The following CACNA2D3 variants were observed in gnomAD, a reference collection of about 807,000 sequenced individuals.
CACNA2D3 encodes calcium voltage-gated channel auxiliary subunit alpha2delta 3.
A neutral mutation model predicts 160.6 loss-of-function variants in CACNA2D3; 60 were observed. That is an observed-to-expected ratio of 0.37 (90% CI 0.30 to 0.46). The LOEUF (loss-of-function observed/expected upper bound fraction) is 0.46, where lower values mean the gene tolerates loss of function less well. Among genes scored for constraint, CACNA2D3 ranks in the 20% least tolerant of loss-of-function variants. The pLI, the probability that CACNA2D3 is intolerant of heterozygous loss-of-function variation, is 1.00. For synonymous variants in CACNA2D3, 558 were observed against 492.9 expected, an observed-to-expected ratio of 1.13 and a Z score of -1.75; for missense variants, 1,205 against 1,365.0, an observed-to-expected ratio of 0.88 and a Z score of 1.85.
At chr3:54,729,496 G>A (rs1267905329) in intron 11 of CACNA2D3, among the ~76,000 whole-genome samples, 1 of 152,134 alleles carries the variant, frequency 6.6e-6, no homozygotes, top group Non-Finnish European at 1.5e-5. Context: ...CCAGGAGCTG[G>A]GCTCGTTGGT....
intron 13 of CACNA2D3, among the ~76,000 whole-genome samples, chr3:54,816,012 C>A (rs2106711601): frequency 6.6e-6 from 1 of 152,324 alleles, no homozygotes; most frequent in Admixed American, 6.5e-5. Flanking sequence ...ATACTCTCAA[C>A]ACAGAAATAT....
chr3:54,579,820 A>T (rs187422621), intron 8 of CACNA2D3, among the ~76,000 whole-genome samples: 1 of 152,336 alleles, frequency 6.6e-6, no homozygotes, highest in Admixed American at 6.5e-5. Context: ...GTTGACTAAA[A>T]GTCATACTCC....
chr3:54,277,120 G>A (rs960677404), intron 2 of CACNA2D3, among the ~76,000 whole-genome samples: 7 of 152,344 alleles, frequency 4.6e-5, no homozygotes, highest in Non-Finnish European at 8.8e-5. Context: ...GGCCAGGGAG[G>A]CCCCCACACG....
intron 4 of CACNA2D3, among the ~76,000 whole-genome samples, chr3:54,446,722 A>G (rs1009975457): frequency 2.6e-5 from 4 of 152,106 alleles, no homozygotes; most frequent in African/African-American, 9.7e-5. Context: ...CCCTCTCAGA[A>G]TCTAGCCTGA....
chr3:55,072,205 C>T (rs1197131812), intron 35 of CACNA2D3, among the ~76,000 whole-genome samples: 1 of 152,142 alleles, frequency 6.6e-6, no homozygotes, highest in Non-Finnish European at 1.5e-5. Context: ...GTGGTTAAGG[C>T]ATTGAGGAAA....
At chr3:54,545,083 C>T (rs144777240) in intron 5 of CACNA2D3, among the ~76,000 whole-genome samples, 74 of 152,272 alleles carry the variant, frequency 4.9e-4, no homozygotes, top group African/African-American at 1.7e-3. Context: ...TACTTCTGGC[C>T]ATTTAAAATA....
At chr3:54,880,006 T>C (rs1381221621) in intron 20 of CACNA2D3, among the ~76,000 whole-genome samples, 2 of 152,226 alleles carry the variant, frequency 1.3e-5, no homozygotes, top group Non-Finnish European at 2.9e-5. Context: ...AAAAAATTAT[T>C]TCAGTAAGCC....
intron 2 of CACNA2D3, among the ~76,000 whole-genome samples, chr3:54,162,720 A>G (rs1439547794): frequency 6.6e-6 from 1 of 152,220 alleles, no homozygotes; most frequent in Admixed American, 6.5e-5. Context: ...ATAACCTAGT[A>G]GGGAAGACAG....
chr3:54,323,025 G>A (rs374548190), intron 3 of CACNA2D3, among the ~76,000 whole-genome samples: 183 of 152,298 alleles, frequency 1.2e-3, no homozygotes, highest in African/African-American at 3.9e-3. Context: ...TTGGTCCAGT[G>A]TTATATGGAT....
chr3:54,911,351 CTTT>C (rs58289082), intron 27 of CACNA2D3, among the ~76,000 whole-genome samples: 782 of 58,554 alleles, frequency 0.013, 17 homozygotes, highest in African/African-American at 0.066. Context: ...TCTTTGTCGT[CTTT>C]TTTTTTTTTT....
intron 11 of CACNA2D3, among the ~76,000 whole-genome samples, chr3:54,655,295 T>C (rs1348686489): frequency 6.6e-6 from 1 of 152,146 alleles, no homozygotes; most frequent in Non-Finnish European, 1.5e-5. Flanking sequence ...ATCTGTAAAA[T>C]GGGGCTAATT....
Position 54,646,132 on chromosome 3 carries a change from TTCCTTCCTTCCTTCCTTCCC to T in CACNA2D3, c.1167+3895_1167+3914del, listed in dbSNP as rs1390653736. 6.5e-4 allele frequency among the ~76,000 whole-genome samples: 17 copies of T among 25,958 alleles called. 2 individuals carry two copies. Among genetic ancestry groups the T allele is most frequent in the South Asian group, 4.5e-3 (2 of 440 alleles). 17.0% of individuals were successfully genotyped at this position (25,958 alleles called of 152,430 possible). The stretch of plus-strand genomic sequence containing the variant: ...CTTCCTTCCTTCCTTCCTTTCTTCC[TTCCTTCCTTCCTTCCTTCCC>T]TCCCTCCCTCCCTCCCTCCCTCCCT... On this transcript the variant is annotated intron_variant, in intron 11 of 37. Transcript: ENST00000474759.
At chr3:54,388,978 T>A (rs1252586232) in intron 4 of CACNA2D3, among the ~76,000 whole-genome samples, 1 of 151,820 alleles carries the variant, frequency 6.6e-6, no homozygotes, top group South Asian at 2.1e-4. Context: ...ATGAGTCCGC[T>A]TGATAATAAA....
At chr3:54,901,047 C>G (rs1402915720) in intron 27 of CACNA2D3, 3 of 152,164 alleles carry the variant, frequency 2.0e-5, no homozygotes, top group African/African-American at 7.2e-5. Flanking sequence ...TTCACAGTTG[C>G]TGTCTTCAAA....
At chr3:54,590,116 A>G (rs1033558395) in intron 9 of CACNA2D3, among the ~76,000 whole-genome samples, 2 of 152,220 alleles carry the variant, frequency 1.3e-5, no homozygotes, top group African/African-American at 2.4e-5. Flanking sequence ...TGTTCATAGC[A>G]TCTTTATTTG....
chr3:54,983,773 GAT>G (rs1465883729), intron 29 of CACNA2D3, among the ~76,000 whole-genome samples: 1 of 152,208 alleles, frequency 6.6e-6, no homozygotes, highest in African/African-American at 2.4e-5. Flanking sequence ...TCAGAGTAAA[GAT>G]ATGTTACAAA....
At chr3:54,144,805 G>C (rs529398103) in intron 2 of CACNA2D3, among the ~76,000 whole-genome samples, 1 of 152,360 alleles carries the variant, frequency 6.6e-6, no homozygotes, top group East Asian at 1.9e-4. Flanking sequence ...GAGTTTAGCA[G>C]AGAATTGAAC....
At chr3:54,311,229 C>A (rs1243928113) in intron 2 of CACNA2D3, among the ~76,000 whole-genome samples, 5 of 152,184 alleles carry the variant, frequency 3.3e-5, no homozygotes, top group Non-Finnish European at 7.3e-5. Flanking sequence ...TCTATCCCCA[C>A]TGGAGGGACA....
intron 2 of CACNA2D3, among the ~76,000 whole-genome samples, chr3:54,289,043 C>G (rs1435367486): frequency 1.3e-5 from 2 of 152,092 alleles, no homozygotes. Flanking sequence ...CACTCCTATT[C>G]AACATAGTGT....
Sources: allele counts gnomAD v4.1 joint callset (sites outside exome capture counted in the v4.1 genomes callset), GRCh38; gene constraint gnomAD v4.1.1; transcripts MANE v1.5; gene names NCBI Gene and HGNC (gene_info 2026-07-23, HGNC 2026-07-21).